Variants in MME observed in about 807,000 individuals in gnomAD.
The protein encoded by MME is membrane metalloendopeptidase.
MME carries 98 observed loss-of-function variants against 113.2 expected under a neutral mutation model. That is an observed-to-expected ratio of 0.87 (90% CI 0.74 to 1.02). The LOEUF (loss-of-function observed/expected upper bound fraction) is 1.02, where lower values mean the gene tolerates loss of function less well. Ranked by LOEUF, MME falls within the 50% of genes least tolerant of loss-of-function variation. The probability of loss-of-function intolerance (pLI) is 0.00; values close to 1 mark genes in which losing one functional copy is unlikely to be tolerated. For synonymous variants in MME, 292 were observed against 300.6 expected, an observed-to-expected ratio of 0.97 and a Z score of 0.30; for missense variants, 836 against 896.0, an observed-to-expected ratio of 0.93 and a Z score of 0.86.
rs111817816 is a variant in MME at position 155,154,244 on chromosome 3, A to AC, written c.1601+5595dup. 5.9e-3 allele frequency among the ~76,000 whole-genome samples: 898 copies of AC among 152,206 alleles called. 8 individuals carry two copies. Among genetic ancestry groups the AC allele is most frequent in the African/African-American group, 0.021 (865 of 41,530 alleles). ...GTGGCACACCTCTGAAATAAGTGGA[A>AC]CCCCTAAAGCTGGCAGCTCAACATC... On this transcript the variant is annotated intron_variant, in intron 16 of 22. Transcript: ENST00000360490.
At chr3:155,063,499 A>T (rs1290150880) in intron 1 of MME, among the ~76,000 whole-genome samples, 1 of 104,542 alleles carries the variant, frequency 9.6e-6, no homozygotes, top group Non-Finnish European at 1.8e-5. Context: ...ATATATATTT[A>T]AATATATATA....
intron 3 of MME, among the ~76,000 whole-genome samples, chr3:155,109,432 A>G (rs1717982573): frequency 6.6e-6 from 1 of 152,172 alleles, no homozygotes; most frequent in Non-Finnish European, 1.5e-5. Flanking sequence ...TGCATGAGAC[A>G]CATGTGAGGT....
At chr3:155,042,900 TTATATATATATATA>T (rs1159626877) in intron 1 of MME, among the ~76,000 whole-genome samples, 3 of 62,958 alleles carry the variant, frequency 4.8e-5, no homozygotes, top group African/African-American at 1.7e-4. Flanking sequence ...ATAGTAGGTT[TTATATATATATATA>T]TATATATATA....
intron 1 of MME, among the ~76,000 whole-genome samples, chr3:155,042,915 T>TATATATAC (rs1713389566): frequency 2.2e-5 from 1 of 45,344 alleles, no homozygotes; most frequent in East Asian, 6.9e-4. Context: ...TATATATATA[T>TATATATAC]ATATATATAT....
rs186891173 is a variant in MME, at chr3:155,064,013, C to T, written c.-10-20145C>T. ...CTCATAAGAAGTGAAAGAGAAGGCCCAGCATGGTGGCTCATGCCTGTAATC... is the reference window on the plus strand; with the variant it reads ...CTCATAAGAAGTGAAAGAGAAGGCCTAGCATGGTGGCTCATGCCTGTAATC... On this transcript the variant is annotated intron_variant, in intron 1 of 22. Coordinates refer to the MME transcript ENST00000492661. Among the ~76,000 whole-genome samples, 404 of 151,926 alleles carry T rather than the reference C, an allele frequency of 2.7e-3. 2 individuals are homozygous for T. Among genetic ancestry groups the T allele is most frequent in the African/African-American group, 9.3e-3 (387 of 41,436 alleles).
chr3:155,078,965 A>G (rs1714883313), upstream of MME, among the ~76,000 whole-genome samples: 1 of 152,098 alleles, frequency 6.6e-6, no homozygotes, highest in Non-Finnish European at 1.5e-5. Context: ...GGCTGATTTC[A>G]GTAGGTAGAG....
At chr3:155,060,867 G>A (rs1305122221) in intron 1 of MME, among the ~76,000 whole-genome samples, 1 of 151,872 alleles carries the variant, frequency 6.6e-6, no homozygotes, top group Non-Finnish European at 1.5e-5. Context: ...GAGTGAGAGA[G>A]AGAGAGCACT....
chr3:155,180,016 G>A (rs1027144542), intron 22 of MME, among the ~76,000 whole-genome samples: 1 of 152,124 alleles, frequency 6.6e-6, no homozygotes, highest in Non-Finnish European at 1.5e-5. Context: ...AATTATTCAT[G>A]TTTTACAAAC....
intron 8 of MME, among the ~76,000 whole-genome samples, chr3:155,124,118 C>G (rs1170971462): frequency 2.7e-5 from 4 of 147,448 alleles, no homozygotes; most frequent in African/African-American, 7.6e-5. Context: ...TTGCTCATTT[C>G]TTTTTATTCG....
At chr3:155,140,051 G>T in intron 9 of MME, 140 bp from the exon 10 acceptor site, 1 of 508,068 alleles carries the variant, frequency 2.0e-6, no homozygotes, top group Non-Finnish European at 3.4e-6. Flanking sequence ...TTTTTGAAAT[G>T]ACAAAACAAA....
intron 1 of MME, chr3:155,081,423 A>G (rs950228182): frequency 4.6e-5 from 7 of 152,196 alleles, no homozygotes; most frequent in African/African-American, 1.7e-4. Context: ...TCTGTTGGTA[A>G]TATTGTCGAG....
Position 155,174,356 on chromosome 3 carries a change from G to A in MME, c.2153+1744G>A, listed in dbSNP as rs542647638. On this transcript the variant is annotated intron_variant, in intron 22 of 22. Coordinates refer to ENST00000360490, the MANE Select transcript of MME (RefSeq NM_007289.4). ...TGTGTGTGTGTGTGTGTGTGTGTGT[G>A]TGTGTGTGTGTGTGTGTGTGTGTGA... 1.1e-3 allele frequency among the ~76,000 whole-genome samples: 161 copies of A among 149,718 alleles called. 1 individual carries two copies. The highest frequency in any genetic ancestry group is 3.9e-3 in the African/African-American group (158 of 40,842).
intron 1 of MME, among the ~76,000 whole-genome samples, chr3:155,055,947 G>A (rs1023525450): frequency 6.6e-6 from 1 of 152,034 alleles, no homozygotes; most frequent in Non-Finnish European, 1.5e-5. Flanking sequence ...TTAGGCCATT[G>A]TTTGTTTGTT....
At chr3:155,089,961 A>G (rs1716144115) in intron 3 of MME, 2 of 320,322 alleles carry the variant, frequency 6.2e-6, no homozygotes, top group Admixed American at 7.3e-5. Context: ...CTCTATCTCC[A>G]AAAAAAAGAA....
chr3:155,054,585 G>A (rs149899092), intron 1 of MME, among the ~76,000 whole-genome samples: 4,060 of 152,278 alleles, frequency 0.027, 83 homozygotes, highest in South Asian at 0.088. Flanking sequence ...ACTTTGGGAG[G>A]CCAAGGCCTG....
intron 1 of MME, among the ~76,000 whole-genome samples, chr3:155,071,965 T>C (rs1394918948): frequency 6.6e-6 from 1 of 151,808 alleles, no homozygotes; most frequent in African/African-American, 2.4e-5. Flanking sequence ...ATAGAGACCA[T>C]CCTGGCTAAC....
At chr3:155,125,216 A>G (rs1255794645) in intron 8 of MME, among the ~76,000 whole-genome samples, 1 of 147,736 alleles carries the variant, frequency 6.8e-6, no homozygotes, top group African/African-American at 2.5e-5. Context: ...TTGACTTGGA[A>G]AGGGAACTCC....
At chr3:155,031,290 G>GT (rs1712961880) in intron 1 of MME, among the ~76,000 whole-genome samples, 1 of 152,048 alleles carries the variant, frequency 6.6e-6, no homozygotes, top group Non-Finnish European at 1.5e-5. Flanking sequence ...TATAATTTCA[G>GT]TAGTTTCATT....
At chr3:155,087,458 G>A (rs937301784) in intron 3 of MME, among the ~76,000 whole-genome samples, 2 of 151,950 alleles carry the variant, frequency 1.3e-5, no homozygotes, top group African/African-American at 4.8e-5. Context: ...CTTGGCTGGG[G>A]GATCTCCGTG....
Sources: gnomAD v4.1 joint callset for allele counts (sites outside exome capture counted in the v4.1 genomes callset) on GRCh38, gnomAD v4.1.1 for gene constraint, MANE v1.5 for transcripts, NCBI Gene and HGNC (gene_info 2026-07-23, HGNC 2026-07-21) for gene names.